EDNRA: variants seen among roughly 807,000 people sequenced by gnomAD.
EDNRA encodes endothelin receptor type A.
A neutral mutation model predicts 41.4 loss-of-function variants in EDNRA; 11 were observed. The observed-to-expected ratio is 0.27, with a 90% CI of 0.17 to 0.44. EDNRA has a LOEUF of 0.44. EDNRA is among the 20% of genes least tolerant of loss of function. The probability of loss-of-function intolerance (pLI) is 1.00; values close to 1 mark genes in which losing one functional copy is unlikely to be tolerated. For missense variants in EDNRA, 294 were observed against 531.0 expected (o/e 0.55, Z 4.39); for synonymous variants, 172 against 183.0 (o/e 0.94, Z 0.49).
intron 2 of EDNRA, among the ~76,000 whole-genome samples, chr4:147,501,250 C>T (rs375655570): frequency 2.8e-4 from 43 of 152,294 alleles, no homozygotes; most frequent in African/African-American, 1.0e-3. Context: ...CCTTCAATTA[C>T]TTTTTAGGTT....
At chr4:147,502,693 CT>C (rs1398645280) in intron 2 of EDNRA, among the ~76,000 whole-genome samples, 1 of 152,180 alleles carries the variant, frequency 6.6e-6, no homozygotes, top group East Asian at 1.9e-4. Context: ...TACTCCAGAC[CT>C]TTCCACTGTT....
At chr4:147,490,876 A>G (rs1729115449) in intron 2 of EDNRA, 1 of 152,142 alleles carries the variant, frequency 6.6e-6, no homozygotes. Context: ...TCCATATATC[A>G]CTGTACCTCG....
At chr4:147,526,525 A>T (rs1578807209) in intron 3 of EDNRA, among the ~76,000 whole-genome samples, 1 of 152,188 alleles carries the variant, frequency 6.6e-6, no homozygotes, top group East Asian at 1.9e-4. Flanking sequence ...CAGAGGCCAG[A>T]CCTGGAACTG....
intron 3 of EDNRA, among the ~76,000 whole-genome samples, chr4:147,527,354 T>C (rs1465890431): frequency 6.6e-6 from 1 of 152,184 alleles, no homozygotes; most frequent in Non-Finnish European, 1.5e-5. Flanking sequence ...AAAATTCAAG[T>C]AAATTATATC....
At chr4:147,534,885 T>C (rs1730866553) in intron 4 of EDNRA, among the ~76,000 whole-genome samples, 1 of 152,092 alleles carries the variant, frequency 6.6e-6, no homozygotes, top group Admixed American at 6.5e-5. Context: ...CAAGAACTCC[T>C]CCCCCAAATT....
chr4:147,485,720 A>C lies in EDNRA; in HGVS notation c.39A>C (p.Ala13=). The C allele has an allele frequency of 6.2e-7, 1 of 1,612,966 alleles. No homozygotes were observed. The highest frequency in any genetic ancestry group is 8.5e-7 in the Non-Finnish European group (1 of 1,179,254). ...GCCTCAGGGCATCCTTTTGGCTGGC[A>C]CTGGTTGGATGTGTAATCAGTGATA... is the stretch of plus-strand genomic sequence containing the variant. ...TLCLRASFWL[A]LVGCVISDNP... Residue 13 remains alanine (A), a synonymous_variant, in exon 2 of 8, where the codon GCA becomes GCC. Coordinates refer to ENST00000651419, the MANE Select transcript of EDNRA (RefSeq NM_001957.4).
chr4:147,484,583 C>T (rs1414802522), intron 1 of EDNRA, among the ~76,000 whole-genome samples: 2 of 152,154 alleles, frequency 1.3e-5, no homozygotes, highest in Non-Finnish European at 2.9e-5. Context: ...GATTACAGGG[C>T]ATCATGCACA....
intron 2 of EDNRA, among the ~76,000 whole-genome samples, chr4:147,518,756 A>G (rs1177299242): frequency 2.6e-5 from 4 of 152,224 alleles, no homozygotes; most frequent in Non-Finnish European, 5.9e-5. Context: ...TTTTCAAAAA[A>G]AAAAGAAAAA....
chr4:147,533,401 A>C (rs769150696), intron 4 of EDNRA, among the ~76,000 whole-genome samples: 1 of 152,218 alleles, frequency 6.6e-6, no homozygotes, highest in South Asian at 2.1e-4. Context: ...AACTAGTTAC[A>C]TGTGGACTGA....
At position 147,516,027 on chromosome 4, in the gene EDNRA, A is replaced by G. The variant is rs1367217446; in HGVS notation, c.421-3824A>G. 5.3e-5 allele frequency among the ~76,000 whole-genome samples: 8 copies of G among 152,348 alleles called. No individual in the cohort carries two copies. In the South Asian group the frequency reaches 1.2e-3, roughly 24 times the overall value. On this transcript the variant is annotated intron_variant, in intron 2 of 7. Coordinates refer to ENST00000651419, the MANE Select transcript of EDNRA (RefSeq NM_001957.4). Reference sequence around the variant, plus strand: ...GAGCTTTCATTTTCAGGTGGGGATCAGGGGCTTTAACTATATTTCAACTAT... The same window carrying G: ...GAGCTTTCATTTTCAGGTGGGGATCGGGGGCTTTAACTATATTTCAACTAT...
Position 147,536,116 on chromosome 4 carries a change from T to C in EDNRA, c.900+87T>C, listed in dbSNP as rs1730912468. 2.8e-6 allele frequency: 4 copies of C among 1,426,322 alleles called. No homozygotes were observed. The East Asian group carries it at 9.2e-5, about 33-fold the overall frequency. The allele number at this position is 1,426,322 out of a possible 1,614,324, so 88.4% of individuals were successfully genotyped here. The stretch of plus-strand genomic sequence containing the variant: ...CTGCAAATACCATCTTTAGTAGAAT[T>C]AGCCTGATTTCCTAAAATAAAAATA... On this transcript the variant is annotated intron_variant, in intron 5 of 7. Coordinates refer to ENST00000651419, the MANE Select transcript of EDNRA (RefSeq NM_001957.4).
At position 147,497,098 on chromosome 4, in the gene EDNRA, G is replaced by T. The variant is rs181788557; in HGVS notation, c.420+10997G>T. ...TATTTTACTATTCAGTAATGTTGGA[G>T]AATTACACTAGGTTAAGGTACAGAA... On this transcript the variant is annotated intron_variant, in intron 2 of 7. Coordinates refer to ENST00000651419, the MANE Select transcript of EDNRA (RefSeq NM_001957.4). Among the ~76,000 whole-genome samples, 19 of 146,692 alleles carry T rather than the reference G, an allele frequency of 1.3e-4. No individual in the cohort carries two copies. In the East Asian group the frequency reaches 3.9e-3, roughly 30 times the overall value.
intron 1 of EDNRA, among the ~76,000 whole-genome samples, chr4:147,482,902 G>C (rs1418972064): frequency 1.3e-5 from 2 of 152,216 alleles, no homozygotes; most frequent in Non-Finnish European, 2.9e-5. Flanking sequence ...CCAGCCGACT[G>C]TAACCGGCAG....
chr4:147,529,525 A>G (rs1395138550), intron 3 of EDNRA, among the ~76,000 whole-genome samples: 1 of 152,032 alleles, frequency 6.6e-6, no homozygotes, highest in South Asian at 2.1e-4. Flanking sequence ...ATGAGAAGGA[A>G]TGGCCAGTAA....
chr4:147,502,293 C>T (rs889234595), intron 2 of EDNRA, among the ~76,000 whole-genome samples: 1 of 152,166 alleles, frequency 6.6e-6, no homozygotes, highest in Non-Finnish European at 1.5e-5. Context: ...GAAGCAATCA[C>T]TGATTGTCAG....
chr4:147,526,205 A>G (rs1170027044), intron 3 of EDNRA, among the ~76,000 whole-genome samples: 3 of 152,252 alleles, frequency 2.0e-5, no homozygotes, highest in Non-Finnish European at 4.4e-5. Context: ...AGATCAGGCA[A>G]CTGGTTAATT....
intron 2 of EDNRA, among the ~76,000 whole-genome samples, chr4:147,510,971 A>T (rs1578794643): frequency 6.6e-6 from 1 of 152,370 alleles, no homozygotes; most frequent in South Asian, 2.1e-4. Context: ...CTGGTAGAGA[A>T]TTCAGAGAGT....
chr4:147,504,978 G>A (rs1448088584), intron 2 of EDNRA, among the ~76,000 whole-genome samples: 14 of 75,044 alleles, frequency 1.9e-4, no homozygotes, highest in South Asian at 1.4e-3. Flanking sequence ...AAAAAAAAAA[G>A]GATTCATATC....
chr4:147,492,600 A>G (rs145904787), intron 2 of EDNRA: 1 of 151,668 alleles, frequency 6.6e-6, no homozygotes, highest in African/African-American at 2.4e-5. Context: ...TGTAGTTTTG[A>G]TTGAAATATT....
Sources: allele counts gnomAD v4.1 joint callset (sites outside exome capture counted in the v4.1 genomes callset), GRCh38; gene constraint gnomAD v4.1.1; transcripts MANE v1.5; gene names NCBI Gene and HGNC (gene_info 2026-07-23, HGNC 2026-07-21).